DLGAP2: variants seen among roughly 807,000 people sequenced by gnomAD.
The protein encoded by DLGAP2 is DLG associated protein 2, also known as disks large-associated protein 2.
DLGAP2 carries 26 observed loss-of-function variants against 100.3 expected under a neutral mutation model. That is an observed-to-expected ratio of 0.26 (90% CI 0.19 to 0.36). The LOEUF (loss-of-function observed/expected upper bound fraction) is 0.36. DLGAP2 is among the 10% of genes least tolerant of loss of function. DLGAP2 has a pLI of 1.00. For missense variants in DLGAP2, 1,858 were observed against 1,453.2 expected, an observed-to-expected ratio of 1.28 and a Z score of -4.53; for synonymous variants, 886 against 630.1, an observed-to-expected ratio of 1.41 and a Z score of -6.08.
At chr8:1,539,870 T>C (rs1322644641) in intron 4 of DLGAP2, among the ~76,000 whole-genome samples, 1 of 136,550 alleles carries the variant, frequency 7.3e-6, no homozygotes, top group Non-Finnish European at 1.5e-5. Flanking sequence ...TTCCCTGCCT[T>C]CTTCCTGTGC....
intron 2 of DLGAP2, among the ~76,000 whole-genome samples, chr8:1,011,442 T>C (rs1801283068): frequency 6.7e-6 from 1 of 148,836 alleles, no homozygotes; most frequent in Non-Finnish European, 1.5e-5. Flanking sequence ...GGGGTCTCAG[T>C]CTACACAGTG....
intron 6 of DLGAP2, chr8:1,622,460 A>G (rs974486118): frequency 1.3e-5 from 2 of 152,146 alleles, no homozygotes; most frequent in South Asian, 2.1e-4. Context: ...ACCCTTTGTT[A>G]TGTATATTCG....
intron 6 of DLGAP2, among the ~76,000 whole-genome samples, chr8:1,583,685 T>C (rs1796021652): frequency 6.6e-6 from 1 of 152,134 alleles, no homozygotes; most frequent in Non-Finnish European, 1.5e-5. Flanking sequence ...GTATCTGGGC[T>C]CTCACAGCTT....
At chr8:1,167,925 C>T (rs1213315927) in intron 2 of DLGAP2, among the ~76,000 whole-genome samples, 2 of 151,952 alleles carry the variant, frequency 1.3e-5, no homozygotes, top group East Asian at 1.9e-4. Context: ...TACATGTGCA[C>T]AATGTGTAGG....
intron 3 of DLGAP2, among the ~76,000 whole-genome samples, chr8:1,416,100 G>A (rs1796875018): frequency 6.6e-6 from 1 of 152,200 alleles, no homozygotes; most frequent in Admixed American, 6.5e-5. Context: ...AGAGGACCCT[G>A]CATAATATCT....
intron 4 of DLGAP2, among the ~76,000 whole-genome samples, chr8:1,503,255 G>A (rs994497805): frequency 1.3e-5 from 2 of 152,142 alleles, no homozygotes; most frequent in African/African-American, 4.8e-5. Context: ...TCTTCTGCAA[G>A]TAAAACTCTG....
chr8:1,242,098 A>C (rs1015088492), intron 2 of DLGAP2, among the ~76,000 whole-genome samples: 1 of 152,170 alleles, frequency 6.6e-6, no homozygotes, highest in Admixed American at 6.6e-5. Flanking sequence ...AGATAAACCT[A>C]CCTAAAGGCA....
chr8:1,569,857 C>T (rs1802583493), intron 6 of DLGAP2, among the ~76,000 whole-genome samples: 1 of 151,060 alleles, frequency 6.6e-6, no homozygotes. Context: ...CAGGATAGAT[C>T]TTCACCCCAT....
At chr8:1,290,596 G>A (rs1310854722) in intron 3 of DLGAP2, among the ~76,000 whole-genome samples, 1 of 152,242 alleles carries the variant, frequency 6.6e-6, no homozygotes, top group African/African-American at 2.4e-5. Context: ...TGGGGAGACA[G>A]CGGAGACACC....
chr8:1,181,167 CTT>C (rs1797378642), intron 2 of DLGAP2, among the ~76,000 whole-genome samples: 1 of 95,254 alleles, frequency 1.0e-5, no homozygotes, highest in African/African-American at 4.2e-5. Flanking sequence ...GGGCAGTACA[CTT>C]ACTGTCGAGT....
At chr8:1,285,858 A>C (rs912273271) in intron 3 of DLGAP2, among the ~76,000 whole-genome samples, 1 of 152,056 alleles carries the variant, frequency 6.6e-6, no homozygotes, top group Non-Finnish European at 1.5e-5. Context: ...AACCCCACCA[A>C]TCCTTGCAAG....
At chr8:1,547,295 G>T (rs1374811489) in intron 4 of DLGAP2, among the ~76,000 whole-genome samples, 2 of 152,168 alleles carry the variant, frequency 1.3e-5, no homozygotes, top group African/African-American at 4.8e-5. Context: ...CAGGGAGCTT[G>T]CTGTCCTAGA....
At chr8:1,489,700 G>C (rs1458500363) in intron 3 of DLGAP2, among the ~76,000 whole-genome samples, 118 of 152,298 alleles carry the variant, frequency 7.7e-4, no homozygotes, top group Non-Finnish European at 2.2e-4. Flanking sequence ...GAGCATCTTG[G>C]TTAATTGCCA....
intron 14 of DLGAP2, 92 bp from the exon 15 acceptor site, chr8:1,701,096 A>C: frequency 8.5e-7 from 1 of 1,180,742 alleles, no homozygotes; most frequent in Non-Finnish European, 1.2e-6. Context: ...GCGGTCGGGA[A>C]GGGTCAGGCC....
At chr8:1,654,069 C>G (rs1395777642) in intron 8 of DLGAP2, among the ~76,000 whole-genome samples, 1 of 152,172 alleles carries the variant, frequency 6.6e-6, no homozygotes, top group Non-Finnish European at 1.5e-5. Context: ...CTCTCATCAT[C>G]AAATAAAATA....
At chr8:1,457,975 CATATATATATATATATATATATATATAT>C (rs57897392) in intron 3 of DLGAP2, among the ~76,000 whole-genome samples, 1 of 107,768 alleles carries the variant, frequency 9.3e-6, no homozygotes, top group Non-Finnish European at 1.9e-5. Context: ...GTTCTCTGAT[CATATATATATATATATATATATATATAT>C]ATATATATAT....
At chr8:1,498,632 G>A (rs886848497) in intron 3 of DLGAP2, among the ~76,000 whole-genome samples, 2 of 152,194 alleles carry the variant, frequency 1.3e-5, no homozygotes, top group African/African-American at 4.8e-5. Flanking sequence ...CAGCACATAC[G>A]TTAAGCACAG....
Position 977,773 on chromosome 8 carries a change from G to C in DLGAP2, c.73+69807G>C, listed in dbSNP as rs1281133892. Among the ~76,000 whole-genome samples the C allele has an allele frequency of 2.2e-5, 3 of 136,302 alleles. No homozygotes were observed. The Admixed American group carries it at 2.3e-4, about 10-fold the overall frequency. 89.4% of individuals were successfully genotyped at this position (136,302 alleles called of 152,430 possible). Reference sequence around the variant, plus strand: ...GCTGGGTTCTGGTCTTTGGTGTTGTGGGGAGGGCGTCGGGGATGCAGTGAG... The same window carrying C: ...GCTGGGTTCTGGTCTTTGGTGTTGTCGGGAGGGCGTCGGGGATGCAGTGAG... On this transcript the variant is annotated intron_variant, in intron 2 of 14. Transcript: ENST00000637795.
chr8:949,633 C>G (rs929674115), intron 2 of DLGAP2, among the ~76,000 whole-genome samples: 3 of 152,230 alleles, frequency 2.0e-5, no homozygotes, highest in Admixed American at 2.0e-4. Context: ...CATTGTGGGT[C>G]ACTCTTTTTC....
Sources: allele counts gnomAD v4.1 joint callset (sites outside exome capture counted in the v4.1 genomes callset), GRCh38; gene constraint gnomAD v4.1.1; transcripts MANE v1.5; gene names NCBI Gene and HGNC (gene_info 2026-07-23, HGNC 2026-07-21).